The following SIM1 variants were observed in gnomAD, a reference collection of about 807,000 sequenced individuals.
SIM1 encodes the protein single-minded homolog 1.
In SIM1, 18 loss-of-function variants were observed where a neutral mutation model predicts 78.2. That is an observed-to-expected ratio of 0.23 (90% CI 0.16 to 0.34). The LOEUF (loss-of-function observed/expected upper bound fraction) is 0.34. Ranked by LOEUF, SIM1 falls within the 10% of genes least tolerant of loss-of-function variation. The pLI is 1.00. For missense variants in SIM1, 939 were observed against 975.1 expected, an observed-to-expected ratio of 0.96 and a Z score of 0.49; for synonymous variants, 417 against 385.2, an observed-to-expected ratio of 1.08 and a Z score of -0.97.
chr6:100,403,907 C>T (rs1770990149), intron 10 of SIM1, among the ~76,000 whole-genome samples: 1 of 152,028 alleles, frequency 6.6e-6, no homozygotes, highest in African/African-American at 2.4e-5. Context: ...ATGTTTTTGC[C>T]CAAAGTTGCA....
chr6:100,425,675 G>A (rs1050176521), intron 9 of SIM1, among the ~76,000 whole-genome samples: 2 of 152,158 alleles, frequency 1.3e-5, no homozygotes, highest in Non-Finnish European at 2.9e-5. Context: ...AGGGCTAGAT[G>A]CTGATGGAAA....
intron 10 of SIM1, among the ~76,000 whole-genome samples, chr6:100,405,354 C>T (rs566605435): frequency 2.0e-4 from 31 of 152,124 alleles, no homozygotes; most frequent in African/African-American, 7.5e-4. Flanking sequence ...CTCATTTATA[C>T]TATAAATAAT....
intron 10 of SIM1, among the ~76,000 whole-genome samples, chr6:100,412,879 A>G (rs1003756585): frequency 5.3e-5 from 8 of 152,126 alleles, no homozygotes; most frequent in Non-Finnish European, 1.0e-4. Context: ...GGGGCACCCA[A>G]GCTACACCAG....
chr6:100,454,504 C>A (rs1159940128), intron 2 of SIM1, among the ~76,000 whole-genome samples: 2 of 152,124 alleles, frequency 1.3e-5, no homozygotes, highest in Non-Finnish European at 2.9e-5. Flanking sequence ...ACAGCTCATG[C>A]CCCCTACCCA....
In SIM1 at chr6:100,463,095, G is replaced by T. The variant is rs929821924; in HGVS notation, c.175+199C>A. The T allele has an allele frequency of 1.5e-5, 8 of 519,352 alleles. No homozygotes were observed. In the South Asian group the frequency reaches 2.3e-4, roughly 15 times the overall value. The allele number at this position is 519,352 out of a possible 1,614,324, so 32.2% of individuals were successfully genotyped here. On this transcript the variant is annotated intron_variant, in intron 2 of 11. Transcript: ENST00000369208. ...GGACTGAAGAGAAAGTATTGATGGG[G>T]AGGTAGAGGGAGCCTCAAAAAAGCG...
intron 1 of SIM1, among the ~76,000 whole-genome samples, 163 bp downstream of exon 1, chr6:100,464,451 G>T (rs1235723130): frequency 6.6e-6 from 1 of 152,198 alleles, no homozygotes; most frequent in Non-Finnish European, 1.5e-5. Flanking sequence ...GCCCAGCAGG[G>T]GCTGCAACAA....
At chr6:100,438,022 A>G (rs933958802) in intron 9 of SIM1, among the ~76,000 whole-genome samples, 2 of 152,190 alleles carry the variant, frequency 1.3e-5, no homozygotes, top group Non-Finnish European at 2.9e-5. Context: ...AGAAGATAAC[A>G]TTGGAAAAAC....
In SIM1 at chr6:100,447,362, C is replaced by T. The variant is rs1234414446; in HGVS notation, c.904G>A (p.Gly302Ser). ...TAGCTCTGCACCCATACCCAGCCGC[C>T]GTGTTTCGCCAGGAACCTGTAGTAC... The part of the protein sequence containing the change: ...TKYYRFLAKH[G>S]GWVWVQSYAT... The change falls in exon 9 of 12, where the codon GGC (glycine) becomes AGC (serine). Residue 302 changes from glycine (G) to serine (S), a missense_variant. By Grantham distance (56) the Gly-to-Ser change is moderately conservative. This residue lies in a region of SIM1 where 66 missense variants were observed against 108.4 expected (regional missense o/e 0.61). Transcript: ENST00000369208. 1.4e-5 allele frequency: 23 copies of T among 1,614,232 alleles called. No individual in the cohort carries two copies. The highest frequency in any genetic ancestry group is 8.8e-5 in the South Asian group (8 of 91,072).
Position 100,393,478 on chromosome 6 carries a change from T to TTG in SIM1, c.1570+8_1570+9insCA. On this transcript the variant is annotated intron_variant, in intron 11 of 11. Coordinates refer to ENST00000369208, the MANE Select transcript of SIM1 (RefSeq NM_005068.3). ...CTTGGAGTTCGGGAACCCTTTCACC[T>TTG]GCTCTTACCATGGATCCTGTGGACT... 1 of 1,513,776 alleles carries TTG rather than the reference T, an allele frequency of 6.6e-7. No homozygotes were observed. Among genetic ancestry groups the TTG allele is most frequent in the Non-Finnish European group, 8.9e-7 (1 of 1,129,134 alleles). 93.8% of individuals were successfully genotyped at this position (1,513,776 alleles called of 1,614,324 possible).
intron 10 of SIM1, among the ~76,000 whole-genome samples, chr6:100,407,157 A>G (rs1220305511): frequency 6.6e-6 from 1 of 152,168 alleles, no homozygotes; most frequent in Non-Finnish European, 1.5e-5. Flanking sequence ...TGGCTGAATA[A>G]TATTTCATTG....
At chr6:100,461,254 T>C (rs909587843) in intron 2 of SIM1, among the ~76,000 whole-genome samples, 3 of 152,226 alleles carry the variant, frequency 2.0e-5, no homozygotes, top group South Asian at 4.1e-4. Context: ...ACGAGACTTA[T>C]AATGTGTAGA....
At chr6:100,405,116 T>C (rs3798510) in intron 10 of SIM1, among the ~76,000 whole-genome samples, 17,744 of 151,938 alleles carry the variant, frequency 0.12, 1,046 homozygotes, top group Middle Eastern at 0.18. Flanking sequence ...AAACTAAGTA[T>C]AATATGATTT....
chr6:100,455,051 C>T (rs889948400), intron 2 of SIM1, among the ~76,000 whole-genome samples: 1 of 152,034 alleles, frequency 6.6e-6, no homozygotes, highest in Non-Finnish European at 1.5e-5. Flanking sequence ...TGAACACTCG[C>T]CTTGTAATAT....
chr6:100,420,829 G>C lies in SIM1; in HGVS notation c.1128C>G (p.Ser376=), dbSNP rs1331288752. 6.2e-7 allele frequency: 1 copy of C among 1,614,112 alleles called. No individual in the cohort carries two copies. The change falls in exon 10 of 12, where the codon TCC becomes TCG. Residue 376 remains serine, a synonymous_variant. Transcript: ENST00000369208. ...DNRKGAKSRL[S]SSKSKSRTSP... ...AAGTCCTGGATTTTGACTTTGAGCTGGAGAGCCGGGATTTGGCCCCCTTTC... is the reference window on the plus strand; with the variant it reads ...AAGTCCTGGATTTTGACTTTGAGCTCGAGAGCCGGGATTTGGCCCCCTTTC...
chr6:100,391,165 TTAAAA>T, intron 11 of SIM1, 74 bp from the exon 12 acceptor site: 5 of 1,443,576 alleles, frequency 3.5e-6, no homozygotes, highest in Non-Finnish European at 4.6e-6. Context: ...CCTTTACCTA[TTAAAA>T]TAAACTTTAT....
At chr6:100,411,210 C>T (rs542955191) in intron 10 of SIM1, among the ~76,000 whole-genome samples, 6 of 152,280 alleles carry the variant, frequency 3.9e-5, no homozygotes, top group Admixed American at 6.5e-5. Context: ...TCCTACACAG[C>T]CACTCAACTG....
Position 100,390,125 on chromosome 6 carries a change from C to A in SIM1, c.*236G>T. On this transcript the variant is annotated 3_prime_UTR_variant, in exon 12 of 12. Coordinates refer to ENST00000369208, the MANE Select transcript of SIM1 (RefSeq NM_005068.3). ...TTTTTCAAGTCAAAATTTATCTATTCTGGTTCCCATATAATTAGAGGGGAA... is the reference window on the plus strand; with the variant it reads ...TTTTTCAAGTCAAAATTTATCTATTATGGTTCCCATATAATTAGAGGGGAA... 1 of 537,808 alleles carries A rather than the reference C, an allele frequency of 1.9e-6. No homozygotes were observed. Among genetic ancestry groups the A allele is most frequent in the Non-Finnish European group, 3.3e-6 (1 of 306,470 alleles). 33.3% of individuals were successfully genotyped at this position (537,808 alleles called of 1,614,324 possible). A position where few individuals can be genotyped will look rare whatever the true frequency, so the allele number is the denominator to read the frequency against.
intron 10 of SIM1, among the ~76,000 whole-genome samples, chr6:100,408,016 T>A (rs1771093754): frequency 6.6e-6 from 1 of 152,150 alleles, no homozygotes; most frequent in Non-Finnish European, 1.5e-5. Flanking sequence ...TTGCTTTTGT[T>A]GTCAGTGCTT....
chr6:100,399,455 A>G lies in SIM1; in HGVS notation c.1168-5566T>C, dbSNP rs945869039. On this transcript the variant is annotated intron_variant, in intron 10 of 11. Coordinates refer to ENST00000369208, the MANE Select transcript of SIM1 (RefSeq NM_005068.3). ...TTAATGACAAAAGCAGGAGTAGGAGAGAAGTAGATGTCATAAAAAGGCAAC... is the reference window on the plus strand; with the variant it reads ...TTAATGACAAAAGCAGGAGTAGGAGGGAAGTAGATGTCATAAAAAGGCAAC... 2.0e-5 allele frequency among the ~76,000 whole-genome samples: 3 copies of G among 152,186 alleles called. No homozygotes were observed. In the East Asian group the frequency reaches 5.8e-4, roughly 29 times the overall value.
Sources: gnomAD v4.1 joint callset for allele counts (sites outside exome capture counted in the v4.1 genomes callset) on GRCh38, gnomAD v4.1.1 for gene constraint, gnomAD v4.1.1 regional missense constraint, MANE v1.5 for transcripts, NCBI Gene and HGNC (gene_info 2026-07-23, HGNC 2026-07-21) for gene names.